The following PCDHA5 variants were observed in gnomAD, a reference collection of about 807,000 sequenced individuals.
PCDHA5 encodes the protein protocadherin alpha-5.
A neutral mutation model predicts 61.6 loss-of-function variants in PCDHA5; 43 were observed. That is an observed-to-expected ratio of 0.70 (90% CI 0.55 to 0.90). The LOEUF is 0.90. PCDHA5 is among the 40% of genes least tolerant of loss of function. The pLI is 0.00. For synonymous variants in PCDHA5, 627 were observed against 543.9 expected (o/e 1.15, Z -2.13); for missense variants, 1,298 against 1,222.7 (o/e 1.06, Z -0.92).
intron 1 of PCDHA5, chr5:140,853,382 A>C: frequency 1.0e-6 from 1 of 985,900 alleles, no homozygotes; most frequent in Non-Finnish European, 1.2e-6. Context: ...TAAAATTCAA[A>C]ACAGCCTGTC....
intron 1 of PCDHA5, among the ~76,000 whole-genome samples, chr5:140,952,279 T>C (rs1222400527): frequency 6.7e-6 from 1 of 149,858 alleles, no homozygotes; most frequent in Non-Finnish European, 1.5e-5. Flanking sequence ...TTGAGGGTGG[T>C]GGCCCTCTTC....
At chr5:140,899,789 G>A (rs1200461877) in intron 1 of PCDHA5, among the ~76,000 whole-genome samples, 17 of 152,024 alleles carry the variant, frequency 1.1e-4, no homozygotes, top group Admixed American at 9.8e-4. Context: ...GGTATAATTC[G>A]GCTGTGAATC....
chr5:140,834,224 G>T (rs1183428417), intron 1 of PCDHA5: 6 of 695,532 alleles, frequency 8.6e-6, no homozygotes, highest in Non-Finnish European at 1.4e-5. Context: ...ATCAGCAAAA[G>T]GAAGTCATTC....
At chr5:140,924,183 A>G (rs1554201796) in intron 1 of PCDHA5, among the ~76,000 whole-genome samples, 1 of 152,230 alleles carries the variant, frequency 6.6e-6, no homozygotes, top group Non-Finnish European at 1.5e-5. Context: ...GAAGCAGAAA[A>G]TTAGTTTTGG....
chr5:140,914,042 T>C (rs2076573370), intron 1 of PCDHA5, among the ~76,000 whole-genome samples: 1 of 152,222 alleles, frequency 6.6e-6, no homozygotes, highest in South Asian at 2.1e-4. Context: ...AGAATGTGTA[T>C]TCTGCAGCTG....
chr5:140,839,071 T>C lies in PCDHA5; in HGVS notation c.2352+14944T>C, dbSNP rs115806337. 2.0e-3 allele frequency among the ~76,000 whole-genome samples: 311 copies of C among 152,148 alleles called. 5 individuals are homozygous for C. Among genetic ancestry groups the C allele is most frequent in the African/African-American group, 7.1e-3 (293 of 41,488 alleles). On this transcript the variant is annotated intron_variant, in intron 1 of 3. Coordinates refer to ENST00000529859, the MANE Select transcript of PCDHA5 (RefSeq NM_018908.3). ...TGAATAAGGATAGAGGTATGCAAAG[T>C]CAAAAACCTGTCTGATAATCAATAG...
intron 1 of PCDHA5, chr5:140,841,964 A>G (rs2150326449): frequency 6.2e-7 from 1 of 1,613,930 alleles, no homozygotes; most frequent in East Asian, 2.2e-5. Context: ...CCTGACAGCC[A>G]CAGATGGGGG....
chr5:140,877,371 G>C, intron 1 of PCDHA5: 2 of 1,613,994 alleles, frequency 1.2e-6, no homozygotes, highest in Non-Finnish European at 8.5e-7. Context: ...AGATCAGCAC[G>C]ACACGCATCC....
At chr5:140,945,761 G>T (rs2093839627) in intron 1 of PCDHA5, among the ~76,000 whole-genome samples, 1 of 152,118 alleles carries the variant, frequency 6.6e-6, no homozygotes, top group East Asian at 1.9e-4. Flanking sequence ...AATGGTGGTG[G>T]GACAATTTGA....
rs2150163807 is a variant in PCDHA5, at chr5:140,829,203, T to G, written c.2352+5076T>G. 22 of 1,614,238 alleles carry G rather than the reference T, an allele frequency of 1.4e-5. No homozygotes were observed. In the South Asian group the frequency reaches 1.5e-4, roughly 11 times the overall value. On this transcript the variant is annotated intron_variant, in intron 1 of 3. Coordinates refer to ENST00000529859, the MANE Select transcript of PCDHA5 (RefSeq NM_018908.3). ...GCTCAATTTGGTACTGTCATCGCCCTAATTAGCGTGAACGACCTCGATTCA... is the reference window on the plus strand; with the variant it reads ...GCTCAATTTGGTACTGTCATCGCCCGAATTAGCGTGAACGACCTCGATTCA...
At chr5:140,843,503 A>C in intron 1 of PCDHA5, 1 of 1,595,796 alleles carries the variant, frequency 6.3e-7, no homozygotes. Flanking sequence ...AGCACTGCCC[A>C]CTGAGGGCGG....
At chr5:140,848,690 G>T in intron 1 of PCDHA5, 2 of 1,592,462 alleles carry the variant, frequency 1.3e-6, no homozygotes, top group Non-Finnish European at 1.7e-6. Context: ...GCCTGTTCCA[G>T]TTGGATTCCA....
At chr5:140,838,077 AGTGTGTGTGTGTGTGTGTGT>A (rs57130401) in intron 1 of PCDHA5, among the ~76,000 whole-genome samples, 40 of 80,696 alleles carry the variant, frequency 5.0e-4, no homozygotes, top group Middle Eastern at 0.015. Flanking sequence ...ATATATATAT[AGTGTGTGTGTGTGTGTGTGT>A]GTGTGTGTGT....
intron 1 of PCDHA5, among the ~76,000 whole-genome samples, chr5:140,832,602 G>C (rs1385088779): frequency 1.3e-5 from 2 of 152,158 alleles, no homozygotes; most frequent in African/African-American, 4.8e-5. Context: ...CTATAGCGTT[G>C]CTAGTGAGTA....
chr5:140,826,226 T>G (rs1768854046), intron 1 of PCDHA5, among the ~76,000 whole-genome samples: 1 of 152,244 alleles, frequency 6.6e-6, no homozygotes, highest in Admixed American at 6.5e-5. Context: ...AGTTTTGTGA[T>G]ATAAACTATT....
At chr5:140,999,656 G>A (rs1483832540) in intron 3 of PCDHA5, among the ~76,000 whole-genome samples, 2 of 152,148 alleles carry the variant, frequency 1.3e-5, no homozygotes, top group African/African-American at 4.8e-5. Context: ...CCTGAGCCCT[G>A]CTGGGTTGCG....
rs955565578 is a variant in PCDHA5, at chr5:141,012,291, T to C, written c.*2354T>C. 6 of 153,804 alleles carry C rather than the reference T, an allele frequency of 3.9e-5. No homozygotes were observed. The highest frequency in any genetic ancestry group is 9.6e-5 in the African/African-American group (4 of 41,478). The allele number at this position is 153,804 out of a possible 1,614,324, so 9.5% of individuals were successfully genotyped here. A position where few individuals can be genotyped will look rare whatever the true frequency, so the allele number is the denominator to read the frequency against. On this transcript the variant is annotated 3_prime_UTR_variant, in exon 4 of 4. Coordinates refer to ENST00000529859, the MANE Select transcript of PCDHA5 (RefSeq NM_018908.3). ...ACACGTCATGTGGATTCATTTTGAA[T>C]TGGTGCTATTGGTATTTCCTCTGTT...
At chr5:140,938,218 T>A (rs1050033125) in intron 1 of PCDHA5, among the ~76,000 whole-genome samples, 3 of 152,210 alleles carry the variant, frequency 2.0e-5, no homozygotes, top group Admixed American at 2.0e-4. Context: ...AGTGCTGGGA[T>A]TACAGGCATA....
rs201231291 is a variant in PCDHA5, at chr5:140,849,957, G to T, written c.2352+25830G>T. ...GCGGGACGCTGACGCGCAGGAGAAC[G>T]CCCTGGTGTCCTACTCGCTGGTGGA... On this transcript the variant is annotated intron_variant, in intron 1 of 3. Coordinates refer to ENST00000529859, the MANE Select transcript of PCDHA5 (RefSeq NM_018908.3). 28 of 1,597,916 alleles carry T rather than the reference G, an allele frequency of 1.8e-5. 1 individual carries two copies. The East Asian group carries it at 6.0e-4, about 34-fold the overall frequency.
Sources: allele counts gnomAD v4.1 joint callset (sites outside exome capture counted in the v4.1 genomes callset), GRCh38; gene constraint gnomAD v4.1.1; transcripts MANE v1.5; gene names NCBI Gene and HGNC (gene_info 2026-07-23, HGNC 2026-07-21).